The following ST18 variants were observed in gnomAD, a reference collection of about 807,000 sequenced individuals.
ST18 encodes the protein suppression of tumorigenicity 18 protein.
Under a neutral mutation model 110.0 loss-of-function variants are expected in ST18, and 50 were observed. That is an observed-to-expected ratio of 0.45 (90% CI 0.36 to 0.58). ST18 has a LOEUF of 0.58. Among genes scored for constraint, ST18 ranks in the 20% least tolerant of loss-of-function variants. The pLI is 0.00. For synonymous variants in ST18, 461 were observed against 452.4 expected (o/e 1.02, Z -0.24); for missense variants, 1,306 against 1,280.1 (o/e 1.02, Z -0.31).
chr8:52,385,515 G>A (rs977904074), intron 2 of ST18, among the ~76,000 whole-genome samples: 10 of 151,194 alleles, frequency 6.6e-5, no homozygotes, highest in African/African-American at 2.4e-4. Context: ...CAGGAGAATC[G>A]CTTGAACCCG....
chr8:52,141,249 T>A (rs529625700), intron 17 of ST18, among the ~76,000 whole-genome samples: 1 of 152,314 alleles, frequency 6.6e-6, no homozygotes, highest in South Asian at 2.1e-4. Flanking sequence ...CTCGGAATAA[T>A]TTTTACTGAA....
At chr8:52,339,795 G>C (rs562682460) in intron 2 of ST18, among the ~76,000 whole-genome samples, 1 of 152,208 alleles carries the variant, frequency 6.6e-6, no homozygotes, top group South Asian at 2.1e-4. Flanking sequence ...ACCCCTTTCC[G>C]AGTTCTATTT....
In ST18 at chr8:52,237,036, C is replaced by T. The variant is rs78243180; in HGVS notation, c.-464-6959G>A. Among the ~76,000 whole-genome samples the T allele has an allele frequency of 2.7e-3, 409 of 152,324 alleles. 1 individual carries two copies. Among genetic ancestry groups the T allele is most frequent in the Middle Eastern group, 0.014 (4 of 294 alleles). On this transcript the variant is annotated intron_variant, in intron 2 of 25. Coordinates refer to ENST00000689386, the MANE Select transcript of ST18 (RefSeq NM_001352837.2). ...ATCTCAGAACTGCAGTTACCTCCCT[C>T]ACCTTCAGGTTCCTCATCTGTTAAA...
At chr8:52,384,918 G>C (rs1835979515) in intron 2 of ST18, among the ~76,000 whole-genome samples, 1 of 152,036 alleles carries the variant, frequency 6.6e-6, no homozygotes, top group South Asian at 2.1e-4. Context: ...CCTACACCGG[G>C]TACTGTTGGA....
At chr8:52,289,498 T>G (rs190408433) in intron 2 of ST18, among the ~76,000 whole-genome samples, 1 of 152,178 alleles carries the variant, frequency 6.6e-6, no homozygotes, top group African/African-American at 2.4e-5. Flanking sequence ...GTCTTTCCAT[T>G]GTATCTTAAT....
intron 2 of ST18, among the ~76,000 whole-genome samples, chr8:52,349,187 T>C (rs1156980456): frequency 6.6e-6 from 1 of 152,160 alleles, no homozygotes; most frequent in Admixed American, 6.5e-5. Flanking sequence ...CTCCTTCTTC[T>C]TTCTCCCTTC....
chr8:52,259,454 T>C (rs2094616675), intron 2 of ST18, among the ~76,000 whole-genome samples: 1 of 152,204 alleles, frequency 6.6e-6, no homozygotes, highest in South Asian at 2.1e-4. Context: ...TGGATCTATT[T>C]GCAAAAGTAG....
chr8:52,365,600 G>A (rs569147223), intron 2 of ST18, among the ~76,000 whole-genome samples: 8 of 150,876 alleles, frequency 5.3e-5, no homozygotes, highest in East Asian at 2.0e-4. Context: ...AAAAACTTAC[G>A]TTATTTATGT....
rs1354992880 is a variant in ST18 at position 52,212,005 on chromosome 8, C to T, written c.86+74G>A. The T allele has an allele frequency of 2.7e-6, 4 of 1,503,676 alleles. No individual in the cohort carries two copies. The African/African-American group carries it at 4.2e-5, about 16-fold the overall frequency. 93.1% of individuals were successfully genotyped at this position (1,503,676 alleles called of 1,614,324 possible). A position where few individuals can be genotyped will look rare whatever the true frequency, so the allele number is the denominator to read the frequency against. On this transcript the variant is annotated intron_variant, in intron 8 of 25. Coordinates refer to ENST00000689386, the MANE Select transcript of ST18 (RefSeq NM_001352837.2). ...TTCTGCTAAAAAAAGTATTCTGAGG[C>T]TTGAAAAGTACAAATCATTCGAATA... is the stretch of plus-strand genomic sequence containing the variant.
At chr8:52,244,723 T>C (rs1326631056) in intron 2 of ST18, among the ~76,000 whole-genome samples, 1 of 152,182 alleles carries the variant, frequency 6.6e-6, no homozygotes, top group Non-Finnish European at 1.5e-5. Context: ...AAGGGCACTG[T>C]ACTTGAAAGG....
chr8:52,313,801 C>T (rs935363573), intron 2 of ST18, among the ~76,000 whole-genome samples: 3 of 152,128 alleles, frequency 2.0e-5, no homozygotes, highest in East Asian at 1.9e-4. Context: ...CGAGGCCTCC[C>T]GCAGCAATGG....
chr8:52,354,605 G>C (rs919103266), intron 2 of ST18, among the ~76,000 whole-genome samples: 2 of 152,178 alleles, frequency 1.3e-5, no homozygotes, highest in Non-Finnish European at 2.9e-5. Flanking sequence ...TAGAAGCATG[G>C]ATAGAAAGAG....
chr8:52,329,476 C>T (rs533160394), intron 2 of ST18, among the ~76,000 whole-genome samples: 1 of 152,196 alleles, frequency 6.6e-6, no homozygotes, highest in Admixed American at 6.5e-5. Flanking sequence ...ACCAGGAGGC[C>T]AGGCATGGTG....
At chr8:52,274,876 T>A (rs2095189036) in intron 2 of ST18, among the ~76,000 whole-genome samples, 1 of 152,240 alleles carries the variant, frequency 6.6e-6, no homozygotes, top group African/African-American at 2.4e-5. Flanking sequence ...GAAAGCTGTT[T>A]ATTTATGAAA....
At chr8:52,174,841 C>T (rs111347674) in intron 9 of ST18, among the ~76,000 whole-genome samples, 2 of 152,218 alleles carry the variant, frequency 1.3e-5, no homozygotes, top group Admixed American at 1.3e-4. Context: ...TTCCACCCCC[C>T]TCCCAGGCTT....
chr8:52,371,513 C>T (rs953421655), intron 2 of ST18, among the ~76,000 whole-genome samples: 1 of 151,978 alleles, frequency 6.6e-6, no homozygotes, highest in Non-Finnish European at 1.5e-5. Flanking sequence ...ATATTAGGTG[C>T]TGTTAAAAAA....
chr8:52,116,564 GC>G, intron 24 of ST18, 146 bp from the exon 25 acceptor site: 1 of 778,750 alleles, frequency 1.3e-6, no homozygotes, highest in Non-Finnish European at 2.0e-6. Context: ...TGAAGCTGCA[GC>G]CCCACTGGAT....
chr8:52,121,233 A>G (rs2044668428), intron 23 of ST18, among the ~76,000 whole-genome samples: 2 of 152,208 alleles, frequency 1.3e-5, no homozygotes, highest in Non-Finnish European at 2.9e-5. Flanking sequence ...TAATAACAAA[A>G]GATGGCTGGA....
intron 2 of ST18, among the ~76,000 whole-genome samples, chr8:52,240,119 T>C (rs1055384474): frequency 2.0e-5 from 3 of 152,086 alleles, no homozygotes; most frequent in African/African-American, 7.2e-5. Flanking sequence ...GCCTTTCTAA[T>C]TGCATAAATT....
Sources: allele counts gnomAD v4.1 joint callset (sites outside exome capture counted in the v4.1 genomes callset), GRCh38; gene constraint gnomAD v4.1.1; transcripts MANE v1.5; gene names NCBI Gene and HGNC (gene_info 2026-07-23, HGNC 2026-07-21).